NALCN: variants seen among roughly 807,000 people sequenced by gnomAD.
NALCN encodes sodium leak channel, non-selective.
In NALCN, 111 loss-of-function variants were observed where a neutral mutation model predicts 225.3. The ratio of observed to expected loss-of-function variants is 0.49; its 90% confidence interval spans 0.42 to 0.58. The LOEUF is 0.58. NALCN is among the 20% of genes least tolerant of loss of function. The probability of loss-of-function intolerance (pLI) is 0.00; values close to 1 mark genes in which losing one functional copy is unlikely to be tolerated. For synonymous variants in NALCN, 764 were observed against 769.0 expected, an observed-to-expected ratio of 0.99 and a Z score of 0.11; for missense variants, 1,378 against 2,202.4, an observed-to-expected ratio of 0.63 and a Z score of 7.49.
chr13:101,061,854 G>T, intron 41 of NALCN, 114 bp downstream of exon 41: 1 of 960,444 alleles, frequency 1.0e-6, no homozygotes, highest in Non-Finnish European at 1.5e-6. Context: ...AGGGATAGAA[G>T]GCTGATCACA....
intron 13 of NALCN, among the ~76,000 whole-genome samples, chr13:101,215,335 C>A (rs1442378627): frequency 6.6e-6 from 1 of 152,102 alleles, no homozygotes; most frequent in Admixed American, 6.6e-5. Context: ...TTTGGATTTA[C>A]AATATTTAGA....
chr13:101,372,588 T>C (rs575341546), intron 6 of NALCN, among the ~76,000 whole-genome samples: 124 of 152,168 alleles, frequency 8.1e-4, no homozygotes, highest in African/African-American at 2.8e-3. Flanking sequence ...CTAAATAACC[T>C]ACAGGTCAAA....
In NALCN at chr13:101,110,639, G is replaced by A; in HGVS notation, c.2344C>T (p.Leu782Phe). The change falls in exon 20 of 44, where the codon CTT (leucine) becomes TTT (phenylalanine). Residue 782 changes from leucine (L) to phenylalanine (F), a missense_variant. Transcript: ENST00000251127. ...CTTACATCTTGAGTCAAAGTTTCAA[G>A]AGATTTTCCCCTGCTGATCCTCTGG... is the stretch of plus-strand genomic sequence containing the variant. Reference protein sequence around the residue: ...NSQRISRGKSLETLTQDHSNT... With the variant: ...NSQRISRGKSFETLTQDHSNT... 6.2e-7 allele frequency: 1 copy of A among 1,614,024 alleles called. No homozygotes were observed. The highest frequency in any genetic ancestry group is 1.7e-5 in the Admixed American group (1 of 60,014).
intron 15 of NALCN, among the ~76,000 whole-genome samples, chr13:101,147,369 T>A (rs2139807539): frequency 6.7e-6 from 1 of 148,658 alleles, no homozygotes; most frequent in East Asian, 2.0e-4. Flanking sequence ...TTTTTTTTTT[T>A]TTTGAGATGG....
chr13:101,273,807 C>T (rs560044496), intron 10 of NALCN, among the ~76,000 whole-genome samples: 1 of 150,786 alleles, frequency 6.6e-6, no homozygotes, highest in South Asian at 2.1e-4. Context: ...ATGGCGTGAA[C>T]CCAGGAGGCG....
At chr13:101,203,278 C>T (rs917190998) in intron 13 of NALCN, among the ~76,000 whole-genome samples, 10 of 152,160 alleles carry the variant, frequency 6.6e-5, no homozygotes, top group Non-Finnish European at 4.4e-5. Context: ...TGCAATGGCA[C>T]GATCTTGGCT....
intron 6 of NALCN, among the ~76,000 whole-genome samples, chr13:101,372,852 A>C (rs1323164925): frequency 6.6e-6 from 1 of 152,176 alleles, no homozygotes; most frequent in African/African-American, 2.4e-5. Flanking sequence ...ATCAACATGA[A>C]AAACAGACTA....
At chr13:101,323,095 A>G (rs1186165234) in intron 7 of NALCN, among the ~76,000 whole-genome samples, 3 of 152,208 alleles carry the variant, frequency 2.0e-5, no homozygotes, top group Non-Finnish European at 4.4e-5. Context: ...CAACAAAATA[A>G]CAGTCATGAC....
intron 13 of NALCN, among the ~76,000 whole-genome samples, chr13:101,216,262 A>G (rs2040726993): frequency 6.6e-6 from 1 of 152,158 alleles, no homozygotes; most frequent in African/African-American, 2.4e-5. Flanking sequence ...AATTAGCAGG[A>G]GAAATAGTAC....
At chr13:101,414,831 A>T (rs923449174) in intron 1 of NALCN, among the ~76,000 whole-genome samples, 10 of 152,178 alleles carry the variant, frequency 6.6e-5, no homozygotes, top group Admixed American at 1.3e-4. Context: ...TATTCTGCAA[A>T]CAGATTATGT....
rs553897299 is a variant in NALCN, at chr13:101,410,008, C to T, written c.-40+6305G>A. On this transcript the variant is annotated intron_variant, in intron 1 of 43. Transcript: ENST00000251127. ...GGGACTAGCGAATCTATAAGAAGAA[C>T]GGAGGCAGCTGAATGGTCTGTGGAC... Among the ~76,000 whole-genome samples the T allele has an allele frequency of 3.9e-5, 6 of 152,242 alleles. No homozygotes were observed. In the East Asian group the frequency reaches 7.7e-4, roughly 20 times the overall value.
chr13:101,308,220 G>A (rs2044217312), intron 7 of NALCN, among the ~76,000 whole-genome samples: 1 of 152,194 alleles, frequency 6.6e-6, no homozygotes, highest in Non-Finnish European at 1.5e-5. Flanking sequence ...TGCGACTCTA[G>A]ACTCATTCTT....
At chr13:101,150,973 C>T (rs1049498058) in intron 15 of NALCN, among the ~76,000 whole-genome samples, 7 of 152,206 alleles carry the variant, frequency 4.6e-5, no homozygotes, top group African/African-American at 7.2e-5. Context: ...CTCAGCTGAG[C>T]ATGAAGTCTG....
At chr13:101,269,211 CATAT>C (rs60240326) in intron 10 of NALCN, among the ~76,000 whole-genome samples, 9,601 of 145,406 alleles carry the variant, frequency 0.066, 771 homozygotes, top group African/African-American at 0.2. Flanking sequence ...AGAAAAAGCT[CATAT>C]ATATATATAT....
intron 10 of NALCN, among the ~76,000 whole-genome samples, chr13:101,278,817 C>T (rs761777079): frequency 5.9e-4 from 90 of 152,138 alleles, no homozygotes; most frequent in Admixed American, 9.8e-4. Flanking sequence ...TAGACTCCAA[C>T]GACATGCATA....
intron 3 of NALCN, among the ~76,000 whole-genome samples, chr13:101,393,623 C>T (rs2047204280): frequency 6.6e-6 from 1 of 152,176 alleles, no homozygotes; most frequent in South Asian, 2.1e-4. Context: ...TCAAGACCAA[C>T]ATGGAGAAGC....
intron 7 of NALCN, among the ~76,000 whole-genome samples, chr13:101,325,671 T>A (rs1483140784): frequency 3.3e-5 from 5 of 152,170 alleles, no homozygotes; most frequent in Non-Finnish European, 5.9e-5. Flanking sequence ...ATCCGTTTTA[T>A]CCTCTGCAGA....
intron 15 of NALCN, among the ~76,000 whole-genome samples, chr13:101,170,507 T>C (rs996097859): frequency 6.6e-6 from 1 of 152,208 alleles, no homozygotes; most frequent in African/African-American, 2.4e-5. Context: ...GGGCATCCCT[T>C]AGCCCAGTCA....
At chr13:101,066,923 A>G (rs1594129890) in intron 39 of NALCN, among the ~76,000 whole-genome samples, 1 of 152,234 alleles carries the variant, frequency 6.6e-6, no homozygotes, top group Admixed American at 6.5e-5. Context: ...AGCACCCCTC[A>G]GGCCTCCTTC....
Sources: gnomAD v4.1 joint callset for allele counts (sites outside exome capture counted in the v4.1 genomes callset) on GRCh38, gnomAD v4.1.1 for gene constraint, MANE v1.5 for transcripts, NCBI Gene and HGNC (gene_info 2026-07-23, HGNC 2026-07-21) for gene names.